Variants in SOS2 observed in about 807,000 individuals in gnomAD.
SOS2 encodes son of sevenless homolog 2.
SOS2 carries 65 observed loss-of-function variants against 148.2 expected under a neutral mutation model. The ratio of observed to expected loss-of-function variants is 0.44; its 90% CI spans 0.36 to 0.54. The LOEUF (loss-of-function observed/expected upper bound fraction) is 0.54, where lower values mean the gene tolerates loss of function less well. Among genes scored for constraint, SOS2 ranks in the 20% least tolerant of loss-of-function variants. The pLI is 0.00. For missense variants in SOS2, 1,341 were observed against 1,590.2 expected (o/e 0.84, Z 2.67); for synonymous variants, 539 against 537.1 (o/e 1.00, Z -0.05).
At chr14:50,145,093 C>A in intron 16 of SOS2, 77 bp downstream of exon 16, 2 of 718,742 alleles carry the variant, frequency 2.8e-6, no homozygotes, top group Non-Finnish European at 4.2e-6. Context: ...ATTAAAAAGA[C>A]AGATGATAGA....
intron 8 of SOS2, among the ~76,000 whole-genome samples, chr14:50,164,684 G>A (rs755839401): frequency 6.6e-6 from 1 of 151,714 alleles, no homozygotes; most frequent in Non-Finnish European, 1.5e-5. Context: ...TGAACTATGT[G>A]CAAACAAGTA....
At chr14:50,188,406 T>C in intron 5 of SOS2, 91 bp downstream of exon 5, 1 of 865,148 alleles carries the variant, frequency 1.2e-6, no homozygotes, top group Non-Finnish European at 1.8e-6. Context: ...AGACTCCGTC[T>C]CAAAAAAATA....
chr14:50,199,723 G>C lies in SOS2; in HGVS notation c.478C>G (p.Gln160Glu). ...GCACACATTGACACTTTAATGTCCT[G>C]CTGAGATATTTCATAATGCCGGATA... ...FNIRHYEISQ[Q>E]DIKVSMCADK... The change falls in exon 4 of 23, where the codon CAG becomes GAG. Residue 160 changes from glutamine (Q) to glutamate (E), a missense_variant. Coordinates refer to ENST00000216373, the MANE Select transcript of SOS2 (RefSeq NM_006939.4). 1 of 1,609,134 alleles carries C rather than the reference G, an allele frequency of 6.2e-7. No homozygotes were observed. Among genetic ancestry groups the C allele is most frequent in the South Asian group, 1.1e-5 (1 of 90,500 alleles).
chr14:50,230,923 T>C lies in SOS2; in HGVS notation c.87+274A>G, dbSNP rs142344508. The C allele has an allele frequency of 3.4e-3, 3,744 of 1,088,196 alleles. 13 individuals are homozygous for C. The highest frequency in any genetic ancestry group is 4.8e-3 in the Middle Eastern group (12 of 2,488). 67.4% of individuals were successfully genotyped at this position (1,088,196 alleles called of 1,614,324 possible). On this transcript the variant is annotated intron_variant, in intron 1 of 22. Transcript: ENST00000216373. ...CCGATTCCAGCCTGAGGACAACAAA[T>C]TGGTCAACGGCGGAAGTTGCCTGAC...
Position 50,138,424 on chromosome 14 carries a change from G to C in SOS2, c.2958+188C>G, listed in dbSNP as rs565256964. Among the ~76,000 whole-genome samples the C allele has an allele frequency of 3.9e-5, 6 of 152,224 alleles. 1 individual carries two copies. In the South Asian group the frequency reaches 1.2e-3, roughly 32 times the overall value. On this transcript the variant is annotated intron_variant, in intron 18 of 22. Transcript: ENST00000216373. ...GATCCGCCCGCCTTGGCCTCCCAAA[G>C]TGCTGGGATTACAGGCGTGAGCCAC... is the stretch of plus-strand genomic sequence containing the variant.
rs1190735625 is a variant in SOS2 at position 50,221,376 on chromosome 14, A to C, written c.87+9821T>G. 2.0e-5 allele frequency among the ~76,000 whole-genome samples: 3 copies of C among 152,298 alleles called. No homozygotes were observed. The South Asian group carries it at 6.2e-4, about 32-fold the overall frequency. ...TAAACAGCCATATGTACTCTTTCCT[A>C]AAGAAGATCTGCCTGACAAGGTGCC... On this transcript the variant is annotated intron_variant, in intron 1 of 22. Transcript: ENST00000216373.
chr14:50,152,224 T>C (rs1195334660), intron 13 of SOS2, among the ~76,000 whole-genome samples: 4 of 152,200 alleles, frequency 2.6e-5, no homozygotes, highest in African/African-American at 9.6e-5. Flanking sequence ...AAAACATAAA[T>C]GTTCTTGATT....
chr14:50,201,064 A>G lies in SOS2; in HGVS notation c.234T>C (p.Phe78=), dbSNP rs1886470568. 2 of 1,613,786 alleles carry G rather than the reference A, an allele frequency of 1.2e-6. No individual in the cohort carries two copies. The highest frequency in any genetic ancestry group is 2.7e-5 in the African/African-American group (2 of 74,908). The change falls in exon 3 of 23, where the codon TTT becomes TTC. Residue 78 remains phenylalanine (F), a synonymous_variant. Transcript: ENST00000216373. The part of the protein sequence containing the change: ...QDVEERVQKT[F]PHPIDKWAIA... ...TGGCCCATTTATCAATTGGGTGAGG[A>G]AAGGTCTTCTGAACTCGCTCCTGCT... is the stretch of plus-strand genomic sequence containing the variant.
chr14:50,135,089 A>AAAAAAGAAAG (rs1555368583), intron 18 of SOS2, among the ~76,000 whole-genome samples: 3 of 131,536 alleles, frequency 2.3e-5, no homozygotes, highest in African/African-American at 5.9e-5. Flanking sequence ...AAAAAAAAAA[A>AAAAAAGAAAG]AAAGAAAGAA....
chr14:50,216,341 C>T (rs753369193), intron 1 of SOS2, among the ~76,000 whole-genome samples: 1 of 152,040 alleles, frequency 6.6e-6, no homozygotes, highest in Non-Finnish European at 1.5e-5. Context: ...AGGTAATCTG[C>T]CTGCCTCAGC....
intron 22 of SOS2, among the ~76,000 whole-genome samples, chr14:50,119,484 C>T (rs1594951942): frequency 6.6e-6 from 1 of 152,088 alleles, no homozygotes; most frequent in Non-Finnish European, 1.5e-5. Context: ...TTTTTTTCCA[C>T]CTGTACCAGA....
At chr14:50,217,843 C>T (rs1199072840) in intron 1 of SOS2, among the ~76,000 whole-genome samples, 1 of 152,042 alleles carries the variant, frequency 6.6e-6, no homozygotes, top group East Asian at 1.9e-4. Context: ...GTAGTCCCAG[C>T]TACTCGGGAG....
chr14:50,209,493 G>A (rs949113524), intron 1 of SOS2, among the ~76,000 whole-genome samples: 1 of 152,100 alleles, frequency 6.6e-6, no homozygotes, highest in Non-Finnish European at 1.5e-5. Context: ...TAGGCCAGGT[G>A]CGGTGGCTCA....
At chr14:50,189,476 G>A (rs1275341832) in intron 4 of SOS2, among the ~76,000 whole-genome samples, 1 of 151,972 alleles carries the variant, frequency 6.6e-6, no homozygotes, top group Non-Finnish European at 1.5e-5. Flanking sequence ...TAGCTGATAA[G>A]AAGAATTCAA....
intron 4 of SOS2, among the ~76,000 whole-genome samples, chr14:50,191,184 G>A (rs537798563): frequency 6.6e-6 from 1 of 152,044 alleles, no homozygotes. Flanking sequence ...AACTCTCAGG[G>A]CGAGGCATGG....
chr14:50,153,026 C>G, intron 13 of SOS2, 44 bp downstream of exon 13: 1 of 890,818 alleles, frequency 1.1e-6, no homozygotes, highest in Non-Finnish European at 1.8e-6. Flanking sequence ...TGAACATAAA[C>G]TCATGTTCAA....
chr14:50,215,579 C>G, intron 1 of SOS2: 2 of 780,394 alleles, frequency 2.6e-6, no homozygotes, highest in East Asian at 1.5e-4. Context: ...TTAGTTACAC[C>G]ATATTTTCAA....
chr14:50,186,890 A>G (rs1034099287), intron 5 of SOS2, among the ~76,000 whole-genome samples: 4 of 152,266 alleles, frequency 2.6e-5, no homozygotes, highest in Non-Finnish European at 5.9e-5. Flanking sequence ...TATAATGAGA[A>G]AAGCTAAATC....
intron 12 of SOS2, among the ~76,000 whole-genome samples, 183 bp from the exon 13 acceptor site, chr14:50,153,356 C>T (rs564149037): frequency 1.1e-4 from 16 of 151,978 alleles, no homozygotes; most frequent in African/African-American, 3.6e-4. Context: ...GGTCTCCAAA[C>T]GGTGTATTAT....
Sources: gnomAD v4.1 joint callset for allele counts (sites outside exome capture counted in the v4.1 genomes callset) on GRCh38, gnomAD v4.1.1 for gene constraint, MANE v1.5 for transcripts, NCBI Gene and HGNC (gene_info 2026-07-23, HGNC 2026-07-21) for gene names.